RXFP1: variants seen among roughly 807,000 people sequenced by gnomAD.
RXFP1 encodes relaxin receptor 1.
RXFP1 carries 73 observed loss-of-function variants against 89.8 expected under a neutral mutation model. That is an observed-to-expected ratio of 0.81 (90% CI 0.67 to 0.99). The LOEUF is 0.99. Ranked by LOEUF, RXFP1 falls within the 50% of genes least tolerant of loss-of-function variation. RXFP1 has a pLI of 0.00. For synonymous variants in RXFP1, 277 were observed against 305.5 expected (o/e 0.91, Z 0.97); for missense variants, 793 against 895.5 (o/e 0.89, Z 1.46).
rs1761267673 is a variant in RXFP1 at position 158,599,446 on chromosome 4, ATTAC to A, written c.392+18_392+21del. 1 of 1,606,248 alleles carries A rather than the reference ATTAC, an allele frequency of 6.2e-7. No individual in the cohort carries two copies. Reference sequence around the variant, plus strand: ...GTGACTGCAATGTAAGTAGAAAAGAATTACTTCATCCTGACAGCTGGGTAGCACC... The same window carrying A: ...GTGACTGCAATGTAAGTAGAAAAGAATTCATCCTGACAGCTGGGTAGCACC... On this transcript the variant is annotated intron_variant, in intron 4 of 17. Transcript: ENST00000307765.
chr4:158,639,715 C>T (rs2150234989), intron 14 of RXFP1, among the ~76,000 whole-genome samples: 1 of 152,200 alleles, frequency 6.6e-6, no homozygotes, highest in South Asian at 2.1e-4. Flanking sequence ...ACTAAAAATA[C>T]AAAAATTAGC....
chr4:158,568,713 C>T (rs557802689), intron 1 of RXFP1, among the ~76,000 whole-genome samples: 2 of 152,146 alleles, frequency 1.3e-5, no homozygotes, highest in Non-Finnish European at 2.9e-5. Flanking sequence ...ATACATTTGA[C>T]TATGTCCTTC....
rs746147460 is a variant in RXFP1 at position 158,644,952 on chromosome 4, C to T, written c.1159C>T (p.Arg387Cys). 8.7e-6 allele frequency: 14 copies of T among 1,614,012 alleles called. No individual in the cohort carries two copies. Among genetic ancestry groups the T allele is most frequent in the Non-Finnish European group, 1.2e-5 (14 of 1,179,924 alleles). The part of the protein sequence containing the change: ...FQYCGYAPHV[R>C]SCKPNTDGIS... ...GTACTGTGGGTATGCACCACATGTT[C>T]GCAGCTGTAAACCAAACACTGATGG... Residue 387 changes from arginine (R) to cysteine (C), a missense_variant, in exon 15 of 18, where the codon CGC (arginine) becomes TGC (cysteine). Coordinates refer to ENST00000307765, the MANE Select transcript of RXFP1 (RefSeq NM_021634.4).
At chr4:158,629,529 T>TA (rs1767608014) in intron 11 of RXFP1, among the ~76,000 whole-genome samples, 1 of 152,220 alleles carries the variant, frequency 6.6e-6, no homozygotes, top group Non-Finnish European at 1.5e-5. Flanking sequence ...ACATTGTAGT[T>TA]GATTTTCAGA....
chr4:158,569,743 C>T lies in RXFP1; in HGVS notation c.50-2955C>T, dbSNP rs1754633428. Among the ~76,000 whole-genome samples, 4 of 152,208 alleles carry T rather than the reference C, an allele frequency of 2.6e-5. No homozygotes were observed. In the South Asian group the frequency reaches 8.3e-4, roughly 32 times the overall value. ...TTACTATTCAACAAGTAATTTTCAG[C>T]ATCCCTAACCAGAGATACAAACAAA... On this transcript the variant is annotated intron_variant, in intron 1 of 17. Transcript: ENST00000307765.
chr4:158,649,717 T>A (rs1772280076), intron 17 of RXFP1, among the ~76,000 whole-genome samples: 1 of 152,182 alleles, frequency 6.6e-6, no homozygotes, highest in South Asian at 2.1e-4. Flanking sequence ...GTTGGTAAAG[T>A]TGTGGAGAAA....
At chr4:158,651,086 T>A (rs947071164) in intron 17 of RXFP1, among the ~76,000 whole-genome samples, 2 of 152,196 alleles carry the variant, frequency 1.3e-5, no homozygotes, top group Non-Finnish European at 2.9e-5. Context: ...TTCACACCAC[T>A]GCACTCCAGC....
intron 11 of RXFP1, among the ~76,000 whole-genome samples, chr4:158,631,990 G>A (rs1768127782): frequency 6.6e-6 from 1 of 152,176 alleles, no homozygotes; most frequent in Admixed American, 6.5e-5. Flanking sequence ...CTACTCAGGA[G>A]GCTGAGGCGG....
At chr4:158,567,191 C>G (rs1753761072) in intron 1 of RXFP1, among the ~76,000 whole-genome samples, 1 of 152,206 alleles carries the variant, frequency 6.6e-6, no homozygotes, top group South Asian at 2.1e-4. Flanking sequence ...CTCACCCCGC[C>G]TTGGGCTCCT....
At chr4:158,556,614 A>G (rs905745406) in intron 1 of RXFP1, among the ~76,000 whole-genome samples, 5 of 152,194 alleles carry the variant, frequency 3.3e-5, no homozygotes, top group Admixed American at 6.5e-5. Flanking sequence ...CTGCACTCTT[A>G]TATTTACTGC....
chr4:158,563,548 A>G (rs922796615), intron 1 of RXFP1, among the ~76,000 whole-genome samples: 2 of 151,678 alleles, frequency 1.3e-5, no homozygotes, highest in African/African-American at 4.8e-5. Flanking sequence ...CCCAACAGGA[A>G]TACTGAAATA....
At chr4:158,626,786 G>A in intron 9 of RXFP1, 34 bp from the exon 10 acceptor site, 1 of 1,281,266 alleles carries the variant, frequency 7.8e-7, no homozygotes, top group Admixed American at 2.1e-5. Flanking sequence ...CCATGATTAA[G>A]ATTTAGCTGT....
At chr4:158,609,739 G>T (rs1472764537) in intron 6 of RXFP1, among the ~76,000 whole-genome samples, 2 of 152,114 alleles carry the variant, frequency 1.3e-5, no homozygotes, top group African/African-American at 2.4e-5. Flanking sequence ...CCCCATCTCT[G>T]CTCTTTTATG....
intron 9 of RXFP1, among the ~76,000 whole-genome samples, chr4:158,621,343 G>A (rs746606192): frequency 1.1e-4 from 16 of 152,078 alleles, no homozygotes; most frequent in South Asian, 2.1e-4. Flanking sequence ...CAAATCCATA[G>A]ATTAGATAGA....
chr4:158,629,474 G>T (rs1767594110), intron 11 of RXFP1, among the ~76,000 whole-genome samples: 1 of 151,926 alleles, frequency 6.6e-6, no homozygotes, highest in South Asian at 2.1e-4. Context: ...AATTCTAAAG[G>T]GCACTATAAC....
intron 1 of RXFP1, among the ~76,000 whole-genome samples, chr4:158,567,884 C>A (rs539799103): frequency 4.3e-4 from 66 of 152,290 alleles, no homozygotes; most frequent in African/African-American, 1.5e-3. Flanking sequence ...AGTGGCAACC[C>A]GCTCGGGTCT....
intron 11 of RXFP1, among the ~76,000 whole-genome samples, chr4:158,633,184 A>C (rs1397663196): frequency 1.3e-5 from 2 of 152,100 alleles, no homozygotes; most frequent in Non-Finnish European, 2.9e-5. Flanking sequence ...AAAAAAGATC[A>C]AATACCATCA....
chr4:158,540,100 AC>A lies in RXFP1; in HGVS notation c.49+18079del, dbSNP rs748894552. On this transcript the variant is annotated intron_variant, in intron 1 of 17. Coordinates refer to ENST00000307765, the MANE Select transcript of RXFP1 (RefSeq NM_021634.4). ...TTAGCAGAAAGGGGTCCCGATCTAG[AC>A]CCCAATATAGGGTTCTTGCATCTCA... Among the ~76,000 whole-genome samples the A allele has an allele frequency of 3.3e-5, 5 of 152,240 alleles. No individual in the cohort carries two copies. In the East Asian group the frequency reaches 5.8e-4, roughly 18 times the overall value.
At chr4:158,550,745 C>T (rs933357360) in intron 1 of RXFP1, among the ~76,000 whole-genome samples, 3 of 152,182 alleles carry the variant, frequency 2.0e-5, no homozygotes, top group Non-Finnish European at 4.4e-5. Context: ...AGTAAAGGCA[C>T]ATTGGTTAAG....
Sources: allele counts gnomAD v4.1 joint callset (sites outside exome capture counted in the v4.1 genomes callset), GRCh38; gene constraint gnomAD v4.1.1; transcripts MANE v1.5; gene names NCBI Gene and HGNC (gene_info 2026-07-23, HGNC 2026-07-21).